Variants in NFAM1 observed in about 807,000 individuals in gnomAD.
The protein encoded by NFAM1 is NFAT activating protein with ITAM motif 1, also known as NFAT activation molecule 1.
NFAM1 carries 17 observed loss-of-function variants against 29.0 expected under a neutral mutation model. The observed-to-expected ratio is 0.59, with a 90% CI of 0.40 to 0.88. The LOEUF (loss-of-function observed/expected upper bound fraction) is 0.88. NFAM1 is among the 40% of genes least tolerant of loss of function. The pLI is 0.00. For missense variants in NFAM1, 324 were observed against 344.6 expected (o/e 0.94, Z 0.47); for synonymous variants, 175 against 147.2 (o/e 1.19, Z -1.36).
chr22:42,405,317 T>C (rs1352331075), intron 3 of NFAM1, among the ~76,000 whole-genome samples: 2 of 152,218 alleles, frequency 1.3e-5, no homozygotes, highest in Non-Finnish European at 2.9e-5. Context: ...AGGGCACTTG[T>C]GTGGGTCACT....
chr22:42,405,931 T>C (rs544889486), intron 3 of NFAM1, among the ~76,000 whole-genome samples: 4 of 152,270 alleles, frequency 2.6e-5, no homozygotes, highest in East Asian at 3.9e-4. Context: ...ATGCAGCCCC[T>C]GGGGCTCCCG....
rs192641805 is a variant in NFAM1, at chr22:42,419,299, C to T, written c.122-7563G>A. Reference sequence around the variant, plus strand: ...GTGGCTCTGAGTCCCCAGCGATCCACAAACTCATCCTGCTCCTGCCCTGCC... The same window carrying T: ...GTGGCTCTGAGTCCCCAGCGATCCATAAACTCATCCTGCTCCTGCCCTGCC... On this transcript the variant is annotated intron_variant, in intron 1 of 5. Transcript: ENST00000329021. The surrounding 1 kb of genome is among the most constrained non-coding windows in gnomAD (Gnocchi z 4.5). Among the ~76,000 whole-genome samples the T allele has an allele frequency of 5.6e-4, 85 of 152,294 alleles. No individual in the cohort carries two copies. In the Middle Eastern group the frequency reaches 0.017, roughly 30 times the overall value.
At chr22:42,410,909 C>G (rs1930060819) in intron 2 of NFAM1, among the ~76,000 whole-genome samples, 1 of 152,184 alleles carries the variant, frequency 6.6e-6, no homozygotes, top group Non-Finnish European at 1.5e-5. Context: ...GCCCTTTCCA[C>G]ACCCAGATGG....
rs1930014692 is a variant in NFAM1 at position 42,409,580 on chromosome 22, G to C, written c.452-33C>G. On this transcript the variant is annotated intron_variant, in intron 2 of 5. Coordinates refer to ENST00000329021, the MANE Select transcript of NFAM1 (RefSeq NM_145912.8). This position sits in a 1 kb window ranked among gnomAD's most constrained non-coding sequence, Gnocchi z 4.9. ...GAAGCGCAGGGGAGCAGAGGGGTCA[G>C]TGACCCAGGAGAAAGCGGGGCACAC... 1.7e-6 allele frequency: 2 copies of C among 1,153,946 alleles called. No homozygotes were observed. Among genetic ancestry groups the C allele is most frequent in the Admixed American group, 5.2e-5 (2 of 38,330 alleles). The allele number at this position is 1,153,946 out of a possible 1,614,324, so 71.5% of individuals were successfully genotyped here.
At chr22:42,429,411 T>C (rs1367605198) in intron 1 of NFAM1, among the ~76,000 whole-genome samples, 1 of 151,640 alleles carries the variant, frequency 6.6e-6, no homozygotes, top group African/African-American at 2.4e-5. Context: ...AGGTCAGGAG[T>C]TCGAGACCAG....
At chr22:42,400,077 G>A (rs558038585) in intron 3 of NFAM1, among the ~76,000 whole-genome samples, 2 of 152,288 alleles carry the variant, frequency 1.3e-5, no homozygotes, top group South Asian at 2.1e-4. Context: ...GTGACTTGCC[G>A]AGGCCACGCA....
intron 1 of NFAM1, among the ~76,000 whole-genome samples, chr22:42,414,615 C>T (rs1194951380): frequency 6.6e-6 from 1 of 151,352 alleles, no homozygotes; most frequent in Non-Finnish European, 1.5e-5. Flanking sequence ...GTAGAGTGAA[C>T]CACAAATGAC....
chr22:42,409,597 G>T lies in NFAM1; in HGVS notation c.452-50C>A, dbSNP rs772388212. 1.1e-6 allele frequency: 1 copy of T among 900,224 alleles called. No homozygotes were observed. Among genetic ancestry groups the T allele is most frequent in the East Asian group, 2.9e-5 (1 of 34,832 alleles). 55.8% of individuals were successfully genotyped at this position (900,224 alleles called of 1,614,324 possible). A position where few individuals can be genotyped will look rare whatever the true frequency, so the allele number is the denominator to read the frequency against. On this transcript the variant is annotated intron_variant, in intron 2 of 5. Coordinates refer to ENST00000329021, the MANE Select transcript of NFAM1 (RefSeq NM_145912.8). This position sits in a 1 kb window ranked among gnomAD's most constrained non-coding sequence, Gnocchi z 4.9. ...AGGGGTCAGTGACCCAGGAGAAAGC[G>T]GGGCACACACACCTGATGTTCTCCC...
At chr22:42,389,930 GTGT>G (rs1646850492) in intron 4 of NFAM1, among the ~76,000 whole-genome samples, 1 of 152,204 alleles carries the variant, frequency 6.6e-6, no homozygotes, top group Admixed American at 6.5e-5. Context: ...AGATCTGGGG[GTGT>G]TGTTCGGGAA....
At chr22:42,424,505 C>T (rs1018381565) in intron 1 of NFAM1, among the ~76,000 whole-genome samples, 14 of 152,166 alleles carry the variant, frequency 9.2e-5, no homozygotes, top group African/African-American at 2.4e-4. Flanking sequence ...AGAAGCAAGC[C>T]GAACTTGTTC....
chr22:42,403,006 T>A (rs1391188633), intron 3 of NFAM1, among the ~76,000 whole-genome samples: 1 of 151,662 alleles, frequency 6.6e-6, no homozygotes, highest in African/African-American at 2.4e-5. Flanking sequence ...GGCTAATTTT[T>A]TTTTTGTATT....
intron 2 of NFAM1, among the ~76,000 whole-genome samples, chr22:42,410,671 AAAG>A (rs916156899): frequency 1.4e-4 from 22 of 152,186 alleles, no homozygotes; most frequent in African/African-American, 5.3e-4. Context: ...AAAAAAAAAA[AAAG>A]AGAGAGCATG....
In NFAM1 at chr22:42,409,389, C is replaced by G; in HGVS notation, c.564+46G>C. On this transcript the variant is annotated intron_variant, in intron 3 of 5. Transcript: ENST00000329021. The surrounding 1 kb of genome is among the most constrained non-coding windows in gnomAD (Gnocchi z 4.9). Reference sequence around the variant, plus strand: ...CAGAGGGCAGGCGGGCAGCCGGTGGCGTGTCGGGTGGAGGGGCTGCATGGC... The same window carrying G: ...CAGAGGGCAGGCGGGCAGCCGGTGGGGTGTCGGGTGGAGGGGCTGCATGGC... 1 of 1,069,504 alleles carries G rather than the reference C, an allele frequency of 9.4e-7. No homozygotes were observed. The highest frequency in any genetic ancestry group is 1.9e-5 in the South Asian group (1 of 53,606). The allele number at this position is 1,069,504 out of a possible 1,614,324, so 66.3% of individuals were successfully genotyped here. A position where few individuals can be genotyped will look rare whatever the true frequency, so the allele number is the denominator to read the frequency against.
chr22:42,387,172 C>T (rs1041983791), intron 4 of NFAM1, 94 bp from the exon 5 acceptor site: 16 of 680,874 alleles, frequency 2.3e-5, no homozygotes, highest in African/African-American at 1.3e-4. Flanking sequence ...CACACCCCAC[C>T]GTGGGAGCCC....
At chr22:42,427,528 C>T (rs981091844) in intron 1 of NFAM1, among the ~76,000 whole-genome samples, 1 of 152,178 alleles carries the variant, frequency 6.6e-6, no homozygotes, top group South Asian at 2.1e-4. Flanking sequence ...CACATGAGTC[C>T]GCACAGTACC....
chr22:42,435,414 C>A (rs987753552), upstream of NFAM1, among the ~76,000 whole-genome samples: 6 of 150,066 alleles, frequency 4.0e-5, no homozygotes, highest in African/African-American at 1.5e-4. Context: ...ATGGCGCGAT[C>A]TCGGCTCACC....
chr22:42,385,019 G>C lies in NFAM1; in HGVS notation c.*142C>G. The C allele has an allele frequency of 1.4e-6, 1 of 732,106 alleles. No individual in the cohort carries two copies. Among genetic ancestry groups the C allele is most frequent in the African/African-American group, 1.7e-5 (1 of 58,048 alleles). The allele number at this position is 732,106 out of a possible 1,614,324, so 45.4% of individuals were successfully genotyped here. On this transcript the variant is annotated 3_prime_UTR_variant, in exon 6 of 6. Transcript: ENST00000329021. ...ATGGGGGGGCAGTGGGGCCGGCCAA[G>C]ACAGGAAGGGCCTTGAATGTGAGGG... is the stretch of plus-strand genomic sequence containing the variant.
In NFAM1 at chr22:42,385,196, C is replaced by T; in HGVS notation, c.778G>A (p.Asp260Asn). Residue 260 changes from aspartate to asparagine, a missense_variant, in exon 6 of 6, where the codon GAT becomes AAT. Transcript: ENST00000329021. ...SQERPHRFED[D>N]GELNLVYENL ...TCATAGACCAGGTTAAGTTCGCCAT[C>T]ATCTTCGAATCTATGCGGTCTCTCC... 6.2e-7 allele frequency: 1 copy of T among 1,612,828 alleles called. No homozygotes were observed. Among genetic ancestry groups the T allele is most frequent in the Non-Finnish European group, 8.5e-7 (1 of 1,178,780 alleles).
At chr22:42,427,736 C>T (rs1011382416) in intron 1 of NFAM1, among the ~76,000 whole-genome samples, 1 of 151,936 alleles carries the variant, frequency 6.6e-6, no homozygotes, top group Non-Finnish European at 1.5e-5. Context: ...AGCGGGTCAC[C>T]GGAGAATACA....
Sources: allele counts gnomAD v4.1 joint callset (sites outside exome capture counted in the v4.1 genomes callset), GRCh38; gene constraint gnomAD v4.1.1; non-coding constraint Gnocchi (gnomAD v3.1); transcripts MANE v1.5; gene names NCBI Gene and HGNC (gene_info 2026-07-23, HGNC 2026-07-21).